The following TSHZ2 variants were observed in gnomAD, a reference collection of about 807,000 sequenced individuals.
TSHZ2 encodes the protein teashirt zinc finger homeobox 2.
Under a neutral mutation model 74.4 loss-of-function variants are expected in TSHZ2, and 21 were observed. The observed-to-expected ratio is 0.28, with a 90% CI of 0.20 to 0.41. TSHZ2 has a LOEUF of 0.41. TSHZ2 is among the 10% of genes least tolerant of loss of function. The pLI is 1.00. For missense variants in TSHZ2, 1,244 were observed against 1,293.5 expected (o/e 0.96, Z 0.59); for synonymous variants, 540 against 515.3 (o/e 1.05, Z -0.65).
In TSHZ2 at chr20:53,038,192, CAAAAAAAAAAAAAAAAAAAAAAAAAAAAA is replaced by C. The variant is rs869242676; in HGVS notation, c.40+64872_40+64900del. ...GGGCGACAAGAGCGGGATTCCGTCT[CAAAAAAAAAAAAAAAAAAAAAAAAAAAAA>C]AAAAAAAAAAAAGAAACTGCCCAGA... is the stretch of plus-strand genomic sequence containing the variant. On this transcript the variant is annotated intron_variant, in intron 1 of 2. Coordinates refer to ENST00000371497, the MANE Select transcript of TSHZ2 (RefSeq NM_173485.6). Among the ~76,000 whole-genome samples the C allele has an allele frequency of 2.2e-4, 12 of 53,942 alleles. No homozygotes were observed. In the South Asian group the frequency reaches 6.0e-3, roughly 27 times the overall value. The allele number at this position is 53,942 out of a possible 152,430, so 35.4% of individuals were successfully genotyped here.
intron 1 of TSHZ2, among the ~76,000 whole-genome samples, chr20:53,171,509 G>A (rs2123485608): frequency 6.6e-6 from 1 of 151,656 alleles, no homozygotes; most frequent in East Asian, 1.9e-4. Flanking sequence ...TTATTTTCAT[G>A]TGTTGTGCAC....
chr20:53,082,975 G>C (rs764640045), intron 1 of TSHZ2, among the ~76,000 whole-genome samples: 4 of 152,238 alleles, frequency 2.6e-5, no homozygotes, highest in Non-Finnish European at 2.9e-5. Flanking sequence ...TTGACACTTA[G>C]TGGTGGTAAC....
At chr20:53,123,731 A>G (rs748599673) in intron 1 of TSHZ2, among the ~76,000 whole-genome samples, 11 of 152,146 alleles carry the variant, frequency 7.2e-5, no homozygotes, top group Middle Eastern at 3.2e-3. Flanking sequence ...TGGGGCCCAT[A>G]AAACAAGCAC....
chr20:53,382,400 C>T lies in TSHZ2; in HGVS notation c.*9-104744C>T, dbSNP rs576647916. On this transcript the variant is annotated intron_variant, in intron 2 of 2. Coordinates refer to ENST00000371497, the MANE Select transcript of TSHZ2 (RefSeq NM_173485.6). ...ATTCCTCTGCCCTCAGGTTCAGGCT[C>T]CTCCGTGACTATCTCCCGTCCAAAC... 4.0e-3 allele frequency among the ~76,000 whole-genome samples: 604 copies of T among 152,312 alleles called. 6 individuals are homozygous for T. Among genetic ancestry groups the T allele is most frequent in the Non-Finnish European group, 6.6e-3 (446 of 68,030 alleles).
chr20:53,128,667 G>A (rs1987017549), intron 1 of TSHZ2, among the ~76,000 whole-genome samples: 1 of 150,920 alleles, frequency 6.6e-6, no homozygotes, highest in Non-Finnish European at 1.5e-5. Flanking sequence ...TGACGCCCAG[G>A]CTGGAGTACA....
intron 2 of TSHZ2, among the ~76,000 whole-genome samples, chr20:53,358,507 C>CT (rs1568883633): frequency 6.6e-6 from 1 of 151,360 alleles, no homozygotes; most frequent in Non-Finnish European, 1.5e-5. Context: ...TGCCTGGCTA[C>CT]TTTTTTTTGT....
intron 1 of TSHZ2, among the ~76,000 whole-genome samples, chr20:53,112,478 A>G (rs902715089): frequency 2.6e-5 from 4 of 152,142 alleles, no homozygotes; most frequent in Non-Finnish European, 5.9e-5. Flanking sequence ...AATTACTCTC[A>G]GAATCATATT....
chr20:53,424,674 T>C (rs1313110850), intron 2 of TSHZ2, among the ~76,000 whole-genome samples: 2 of 152,058 alleles, frequency 1.3e-5, no homozygotes, highest in Non-Finnish European at 2.9e-5. Flanking sequence ...ATCACCTAGG[T>C]ATTAAGCCCG....
At chr20:53,109,056 C>T (rs1986457515) in intron 1 of TSHZ2, among the ~76,000 whole-genome samples, 1 of 152,164 alleles carries the variant, frequency 6.6e-6, no homozygotes, top group Non-Finnish European at 1.5e-5. Flanking sequence ...CCCACCCTCT[C>T]ATCTCCTGAC....
At chr20:53,381,978 G>A (rs1202759125) in intron 2 of TSHZ2, among the ~76,000 whole-genome samples, 3 of 152,170 alleles carry the variant, frequency 2.0e-5, no homozygotes, top group African/African-American at 7.2e-5. Context: ...GAAAATGTTG[G>A]CTGTTGCAAA....
At chr20:53,342,298 C>CTTT (rs150260645) in intron 2 of TSHZ2, among the ~76,000 whole-genome samples, 4 of 115,360 alleles carry the variant, frequency 3.5e-5, no homozygotes, top group Non-Finnish European at 7.0e-5. Context: ...TCTTCTCAGG[C>CTTT]TTTTTTTTTT....
intron 1 of TSHZ2, among the ~76,000 whole-genome samples, chr20:53,154,319 T>C (rs991983260): frequency 6.6e-6 from 1 of 152,216 alleles, no homozygotes; most frequent in African/African-American, 2.4e-5. Flanking sequence ...AGTAAATGTT[T>C]TTTTAACATT....
intron 1 of TSHZ2, among the ~76,000 whole-genome samples, chr20:53,231,844 T>C (rs568257485): frequency 3.1e-4 from 47 of 152,300 alleles, no homozygotes; most frequent in African/African-American, 1.1e-3. Context: ...TTTAACTCAT[T>C]TGCAGTGAAT....
chr20:53,292,836 ACAGT>A (rs1991306215), intron 2 of TSHZ2, among the ~76,000 whole-genome samples: 2 of 152,154 alleles, frequency 1.3e-5, no homozygotes, highest in African/African-American at 2.4e-5. Flanking sequence ...TCCAATTCAG[ACAGT>A]CAGAGAGTTG....
chr20:53,287,980 T>G (rs1276141071), intron 2 of TSHZ2, among the ~76,000 whole-genome samples: 1 of 152,224 alleles, frequency 6.6e-6, no homozygotes, highest in African/African-American at 2.4e-5. Flanking sequence ...AATTTCTATG[T>G]GGTCCTCATA....
intron 2 of TSHZ2, among the ~76,000 whole-genome samples, chr20:53,355,938 A>G (rs1349499155): frequency 6.6e-6 from 1 of 152,202 alleles, no homozygotes; most frequent in Non-Finnish European, 1.5e-5. Flanking sequence ...AGATCCTGAG[A>G]TGAGCGAGCA....
intron 2 of TSHZ2, among the ~76,000 whole-genome samples, chr20:53,436,427 T>C (rs1044588528): frequency 1.3e-5 from 2 of 152,150 alleles, no homozygotes; most frequent in African/African-American, 4.8e-5. Context: ...GGACACACAG[T>C]GCCCTGCGGT....
At chr20:53,190,388 G>A (rs1988709955) in intron 1 of TSHZ2, among the ~76,000 whole-genome samples, 1 of 151,422 alleles carries the variant, frequency 6.6e-6, no homozygotes, top group South Asian at 2.1e-4. Flanking sequence ...TCAAAGACAG[G>A]AAGTGGCAGC....
intron 2 of TSHZ2, among the ~76,000 whole-genome samples, chr20:53,368,338 C>T (rs1212841038): frequency 6.6e-6 from 1 of 152,104 alleles, no homozygotes; most frequent in African/African-American, 2.4e-5. Context: ...GATACGGAAG[C>T]TCCCCCTGTC....
Sources: allele counts gnomAD v4.1 joint callset (sites outside exome capture counted in the v4.1 genomes callset), GRCh38; gene constraint gnomAD v4.1.1; transcripts MANE v1.5; gene names NCBI Gene and HGNC (gene_info 2026-07-23, HGNC 2026-07-21).